NNT: variants seen among roughly 807,000 people sequenced by gnomAD.
NNT encodes NAD(P) transhydrogenase, mitochondrial.
A neutral mutation model predicts 104.8 loss-of-function variants in NNT; 50 were observed. The ratio of observed to expected loss-of-function variants is 0.48; its 90% CI spans 0.38 to 0.60. The LOEUF (loss-of-function observed/expected upper bound fraction) is 0.60. NNT is among the 20% of genes least tolerant of loss of function. NNT has a pLI of 0.00. For synonymous variants in NNT, 461 were observed against 490.4 expected (o/e 0.94, Z 0.79); for missense variants, 1,131 against 1,330.7 (o/e 0.85, Z 2.33).
intron 7 of NNT, among the ~76,000 whole-genome samples, chr5:43,633,246 G>A (rs1750773214): frequency 6.6e-6 from 1 of 152,094 alleles, no homozygotes; most frequent in Non-Finnish European, 1.5e-5. Context: ...AATTACCTGT[G>A]GTATAAAGTT....
chr5:43,649,863 C>T (rs937174533), intron 11 of NNT, among the ~76,000 whole-genome samples: 2 of 152,178 alleles, frequency 1.3e-5, no homozygotes, highest in Non-Finnish European at 2.9e-5. Context: ...TTCTCTTTGT[C>T]CCCTAGCAAT....
At position 43,653,054 on chromosome 5, in the gene NNT, G is replaced by A. The variant is rs1227012809; in HGVS notation, c.1900G>A (p.Ala634Thr). The A allele has an allele frequency of 1.2e-6, 2 of 1,613,960 alleles. No individual in the cohort carries two copies. The highest frequency in any genetic ancestry group is 1.7e-6 in the Non-Finnish European group (2 of 1,180,004). The change falls in exon 14 of 22, where the codon GCC becomes ACC. Residue 634 changes from alanine (A) to threonine (T), a missense_variant. By Grantham distance (58) the Ala-to-Thr change is moderately conservative. Coordinates refer to ENST00000344920, the MANE Select transcript of NNT (RefSeq NM_182977.3). ...YLGSGLCCVG[A>T]LAGLSTQGTA... ...AGGCTCGGGTTTGTGCTGTGTCGGT[G>A]CCTTGGCTGGCCTCTCCACCCAGGG...
rs201462113 is a variant in NNT at position 43,668,830 on chromosome 5, A to G, written c.2635-6681A>G. 2.0e-4 allele frequency among the ~76,000 whole-genome samples: 30 copies of G among 152,272 alleles called. No homozygotes were observed. The East Asian group carries it at 5.0e-3, about 25-fold the overall frequency. On this transcript the variant is annotated intron_variant, in intron 17 of 21. Coordinates refer to ENST00000344920, the MANE Select transcript of NNT (RefSeq NM_182977.3). ...AATTCTGTGAAGAAAGTCATTGGTA[A>G]CTTGATGGGGATGGCATTGAATCTA...
intron 19 of NNT, among the ~76,000 whole-genome samples, chr5:43,691,802 G>A (rs1355142606): frequency 6.6e-6 from 1 of 152,074 alleles, no homozygotes; most frequent in Non-Finnish European, 1.5e-5. Context: ...ATAATCACAC[G>A]CTAGGGCTCT....
At chr5:43,628,962 C>T (rs1384891928) in intron 7 of NNT, among the ~76,000 whole-genome samples, 2 of 149,432 alleles carry the variant, frequency 1.3e-5, no homozygotes, top group African/African-American at 2.5e-5. Context: ...AAGAATAAAA[C>T]GCCATTTATT....
intron 19 of NNT, among the ~76,000 whole-genome samples, chr5:43,698,298 T>C (rs1299721013): frequency 6.6e-6 from 1 of 152,070 alleles, no homozygotes; most frequent in Non-Finnish European, 1.5e-5. Flanking sequence ...AATTCCCAGC[T>C]GGGGCCATTG....
intron 3 of NNT, among the ~76,000 whole-genome samples, chr5:43,614,178 C>G (rs1208402843): frequency 6.6e-6 from 1 of 152,150 alleles, no homozygotes; most frequent in Non-Finnish European, 1.5e-5. Flanking sequence ...TGAAAAAGCC[C>G]TATAAGGGTG....
At chr5:43,639,538 A>C (rs10461743) in intron 7 of NNT, among the ~76,000 whole-genome samples, 5,130 of 152,252 alleles carry the variant, frequency 0.034, 134 homozygotes, top group East Asian at 0.12. Flanking sequence ...AAAATTGTTG[A>C]CCAACCTTTG....
intron 12 of NNT, among the ~76,000 whole-genome samples, chr5:43,651,198 C>T (rs1400882217): frequency 6.6e-6 from 1 of 152,072 alleles, no homozygotes; most frequent in Non-Finnish European, 1.5e-5. Context: ...AATAGTTTTG[C>T]ATTCTGATAG....
At chr5:43,636,505 T>C (rs900490650) in intron 7 of NNT, among the ~76,000 whole-genome samples, 1 of 152,166 alleles carries the variant, frequency 6.6e-6, no homozygotes, top group Non-Finnish European at 1.5e-5. Context: ...TGACCTAAGT[T>C]GAAAGACGTG....
intron 19 of NNT, among the ~76,000 whole-genome samples, chr5:43,684,251 A>G (rs1470118379): frequency 2.0e-5 from 3 of 150,572 alleles, no homozygotes; most frequent in East Asian, 3.9e-4. Context: ...AGGGAAGGCC[A>G]TGGATGAACA....
rs2111935010 is a variant in NNT at position 43,655,985 on chromosome 5, A to G, written c.2205A>G (p.Ala735=). 1 of 1,614,240 alleles carries G rather than the reference A, an allele frequency of 6.2e-7. No individual in the cohort carries two copies. Among genetic ancestry groups the G allele is most frequent in the Non-Finnish European group, 8.5e-7 (1 of 1,180,034 alleles). The change falls in exon 15 of 22, where the codon GCA becomes GCG. Residue 735 remains alanine (A), a synonymous_variant. Coordinates refer to ENST00000344920, the MANE Select transcript of NNT (RefSeq NM_182977.3). ...CACATTTTGCTACGGATGCAGCAGC[A>G]AATCTCACCAAGATTGTGGCCTACC... ...EYPHFATDAA[A]NLTKIVAYLG...
intron 6 of NNT, among the ~76,000 whole-genome samples, chr5:43,627,433 A>G (rs1180407692): frequency 3.9e-5 from 6 of 152,122 alleles, no homozygotes; most frequent in Non-Finnish European, 7.4e-5. Context: ...GGGTCTGGGA[A>G]GGGGCCTGGG....
At chr5:43,625,251 C>T (rs1750300224) in intron 6 of NNT, among the ~76,000 whole-genome samples, 1 of 149,140 alleles carries the variant, frequency 6.7e-6, no homozygotes, top group East Asian at 2.1e-4. Flanking sequence ...TGATTTGAAA[C>T]TTGGTGGTGG....
chr5:43,633,684 T>A (rs1750797659), intron 7 of NNT, among the ~76,000 whole-genome samples: 1 of 152,192 alleles, frequency 6.6e-6, no homozygotes, highest in South Asian at 2.1e-4. Context: ...TTGTACACAA[T>A]GGTGGCTTAG....
rs774316542 is a variant in NNT at position 43,612,990 on chromosome 5, T to C, written c.234T>C (p.Gly78=). 2.3e-5 allele frequency: 37 copies of C among 1,614,158 alleles called. No individual in the cohort carries two copies. Among genetic ancestry groups the C allele is most frequent in the Non-Finnish European group, 3.1e-5 (36 of 1,180,008 alleles). Residue 78 remains glycine (G), a synonymous_variant, in exon 3 of 22, where the codon GGT becomes GGC. Coordinates refer to ENST00000344920, the MANE Select transcript of NNT (RefSeq NM_182977.3). ...AGCGAGTGGCATTGTCTCCTGCTGG[T>C]GTTCAGAACTTGGTCAAGCAGGGTT... ...NEKRVALSPA[G]VQNLVKQGFN...
chr5:43,679,727 G>A (rs1054933193), intron 19 of NNT, among the ~76,000 whole-genome samples: 3 of 151,998 alleles, frequency 2.0e-5, no homozygotes, highest in Non-Finnish European at 4.4e-5. Context: ...TTTGATGAAA[G>A]GTTTAAGAGA....
rs573288862 is a variant in NNT at position 43,623,486 on chromosome 5, C to A, written c.688-546C>A. Reference sequence around the variant, plus strand: ...TGCTTCAGACTTACGGAGAGTTGCTCAAAATGGTTCAGAATTGTGGTTGCT... The same window carrying A: ...TGCTTCAGACTTACGGAGAGTTGCTAAAAATGGTTCAGAATTGTGGTTGCT... On this transcript the variant is annotated intron_variant, in intron 5 of 21. Transcript: ENST00000344920. Among the ~76,000 whole-genome samples the A allele has an allele frequency of 6.6e-5, 10 of 152,240 alleles. No individual in the cohort carries two copies. The South Asian group carries it at 1.9e-3, about 28-fold the overall frequency.
rs113717510 is a variant in NNT at position 43,691,149 on chromosome 5, G to C, written c.2877-8970G>C. 1.3e-3 allele frequency among the ~76,000 whole-genome samples: 198 copies of C among 151,804 alleles called. 1 individual carries two copies. The highest frequency in any genetic ancestry group is 4.4e-3 in the African/African-American group (184 of 41,412). On this transcript the variant is annotated intron_variant, in intron 19 of 21. Transcript: ENST00000344920. Reference sequence around the variant, plus strand: ...GAGTCTCGCTCTGTCACCCAGGCTGGAGTGCAGTGGCGCAATCTTGGCTCA... The same window carrying C: ...GAGTCTCGCTCTGTCACCCAGGCTGCAGTGCAGTGGCGCAATCTTGGCTCA...
Sources: gnomAD v4.1 joint callset for allele counts (sites outside exome capture counted in the v4.1 genomes callset) on GRCh38, gnomAD v4.1.1 for gene constraint, MANE v1.5 for transcripts, NCBI Gene and HGNC (gene_info 2026-07-23, HGNC 2026-07-21) for gene names.